The following ATP8A2 variants were observed in gnomAD, a reference collection of about 807,000 sequenced individuals.
ATP8A2 encodes ATPase phospholipid transporting 8A2.
ATP8A2 carries 100 observed loss-of-function variants against 165.6 expected under a neutral mutation model. The ratio of observed to expected loss-of-function variants is 0.60; its 90% confidence interval spans 0.51 to 0.71. ATP8A2 has a LOEUF of 0.71. Among genes scored for constraint, ATP8A2 ranks in the 30% least tolerant of loss-of-function variants. The pLI is 0.00. For synonymous variants in ATP8A2, 543 were observed against 548.8 expected, an observed-to-expected ratio of 0.99 and a Z score of 0.15; for missense variants, 1,227 against 1,479.5, an observed-to-expected ratio of 0.83 and a Z score of 2.80.
In ATP8A2 at chr13:25,551,353, C is replaced by T; in HGVS notation, c.907C>T (p.Pro303Ser). Reference sequence around the variant, plus strand: ...TGTTGTGTAGAATTCAACCAAAGCGCCTCTCAAGAGATCAAATGTTGAGAA... The same window carrying T: ...TGTTGTGTAGAATTCAACCAAAGCGTCTCTCAAGAGATCAAATGTTGAGAA... The part of the protein sequence containing the change: ...TKLMQNSTKA[P>S]LKRSNVEKVT... The change falls in exon 11 of 37, where the codon CCT becomes TCT. Residue 303 changes from proline (P) to serine (S), a missense_variant. Physicochemically the swap from Pro to Ser is moderately conservative, Grantham distance 74. This residue lies in a region of ATP8A2 where 356 missense variants were observed against 394.9 expected (regional missense o/e 0.90). Transcript: ENST00000381655. 1 of 1,613,938 alleles carries T rather than the reference C, an allele frequency of 6.2e-7. No homozygotes were observed. The highest frequency in any genetic ancestry group is 8.5e-7 in the Non-Finnish European group (1 of 1,179,894).
chr13:25,380,966 G>C (rs116575785), intron 1 of ATP8A2, among the ~76,000 whole-genome samples: 12 of 151,950 alleles, frequency 7.9e-5, no homozygotes, highest in African/African-American at 2.9e-4. Flanking sequence ...TCTTGAGTCA[G>C]TATCTCCCTC....
Position 26,020,819 on chromosome 13 carries a change from TTC to T in ATP8A2, c.*836_*837del, listed in dbSNP as rs1957071514. The T allele has an allele frequency of 1.3e-5, 2 of 152,280 alleles. No individual in the cohort carries two copies. Among genetic ancestry groups the T allele is most frequent in the African/African-American group, 4.8e-5 (2 of 41,456 alleles). 9.4% of individuals were successfully genotyped at this position (152,280 alleles called of 1,614,324 possible). On this transcript the variant is annotated 3_prime_UTR_variant, in exon 37 of 37. Coordinates refer to ENST00000381655, the MANE Select transcript of ATP8A2 (RefSeq NM_016529.6). Reference sequence around the variant, plus strand: ...ATTCCTTCTTCCACCGCCCTTCTCGTTCTGTAAAGAAAGAAAAGAAACATAGC... The same window carrying T: ...ATTCCTTCTTCCACCGCCCTTCTCGTTGTAAAGAAAGAAAAGAAACATAGC...
intron 25 of ATP8A2, among the ~76,000 whole-genome samples, chr13:25,767,444 A>G (rs1243290493): frequency 1.3e-5 from 2 of 152,384 alleles, no homozygotes; most frequent in African/African-American, 2.4e-5. Flanking sequence ...AAGCATGCCT[A>G]TTAAATAATG....
chr13:25,622,524 G>A (rs2040996667), intron 24 of ATP8A2, among the ~76,000 whole-genome samples: 1 of 152,140 alleles, frequency 6.6e-6, no homozygotes, highest in South Asian at 2.1e-4. Flanking sequence ...GAAATAATCT[G>A]AAACAGAAAT....
rs142930080 is a variant in ATP8A2 at position 25,720,990 on chromosome 13, G to A, written c.2384+21645G>A. Among the ~76,000 whole-genome samples, 485 of 142,710 alleles carry A rather than the reference G, an allele frequency of 3.4e-3. 3 individuals carry two copies. The highest frequency in any genetic ancestry group is 0.011 in the African/African-American group (436 of 38,016). The allele number at this position is 142,710 out of a possible 152,430, so 93.6% of individuals were successfully genotyped here. ...TTTTTTTTTTTTTTTTCCTGACACA[G>A]AGTCTTACTCTGTCATCCAGGCTGG... On this transcript the variant is annotated intron_variant, in intron 25 of 36. Transcript: ENST00000381655.
Position 25,398,181 on chromosome 13 carries a change from T to A in ATP8A2, c.76+25893T>A, listed in dbSNP as rs547284451. ...GGCTTTGCAGGGCCATTCCAAAATA[T>A]GTCAAAAAAATATATTTTGGGGTAA... is the stretch of plus-strand genomic sequence containing the variant. On this transcript the variant is annotated intron_variant, in intron 1 of 36. Transcript: ENST00000381655. Among the ~76,000 whole-genome samples the A allele has an allele frequency of 2.0e-5, 3 of 152,272 alleles. No individual in the cohort carries two copies. The East Asian group carries it at 5.8e-4, about 29-fold the overall frequency.
intron 33 of ATP8A2, among the ~76,000 whole-genome samples, chr13:25,891,605 C>T (rs969658545): frequency 1.3e-5 from 2 of 152,050 alleles, no homozygotes; most frequent in Non-Finnish European, 2.9e-5. Context: ...ATTACAGGTG[C>T]GAGCCACTGT....
chr13:25,729,476 T>G (rs143301602), intron 25 of ATP8A2, among the ~76,000 whole-genome samples: 96 of 152,324 alleles, frequency 6.3e-4, no homozygotes, highest in Admixed American at 2.7e-3. Flanking sequence ...CCCATTTAAC[T>G]GCGCTTTAAA....
chr13:25,697,884 T>C (rs2042867616), intron 24 of ATP8A2, among the ~76,000 whole-genome samples: 2 of 152,192 alleles, frequency 1.3e-5, no homozygotes, highest in South Asian at 4.1e-4. Context: ...TTTATGAAAT[T>C]GTCAAAAGTC....
intron 16 of ATP8A2, among the ~76,000 whole-genome samples, chr13:25,566,121 G>A (rs2039306184): frequency 6.6e-6 from 1 of 151,948 alleles, no homozygotes; most frequent in African/African-American, 2.4e-5. Context: ...GTGCCCATTT[G>A]TTGCTAGCTC....
chr13:25,555,117 A>G, intron 13 of ATP8A2, 49 bp downstream of exon 13: 1 of 1,321,306 alleles, frequency 7.6e-7, no homozygotes, highest in Non-Finnish European at 1.1e-6. Context: ...AGCATGAGGG[A>G]AAATGAGTGT....
At chr13:25,617,286 C>G (rs901646179) in intron 24 of ATP8A2, among the ~76,000 whole-genome samples, 5 of 152,158 alleles carry the variant, frequency 3.3e-5, no homozygotes, top group Non-Finnish European at 7.4e-5. Flanking sequence ...ATTTATTTAT[C>G]ATTTTCTAAG....
intron 24 of ATP8A2, among the ~76,000 whole-genome samples, chr13:25,617,845 G>A (rs4439611): frequency 0.83 from 126,078 of 152,128 alleles, 53,234 homozygotes; most frequent in African/African-American, 0.91. Flanking sequence ...TCCTCTCATC[G>A]ATCTTAATAT....
chr13:25,721,180 G>T (rs1202012002), intron 25 of ATP8A2, among the ~76,000 whole-genome samples: 1 of 150,632 alleles, frequency 6.6e-6, no homozygotes. Context: ...TCTCAGGTTG[G>T]TCTCAAACTC....
At chr13:25,721,899 T>C (rs1384719417) in intron 25 of ATP8A2, among the ~76,000 whole-genome samples, 1 of 152,268 alleles carries the variant, frequency 6.6e-6, no homozygotes, top group African/African-American at 2.4e-5. Context: ...ATAATGCTGC[T>C]ATGAACACGC....
chr13:25,572,542 A>C (rs912769636), intron 18 of ATP8A2, among the ~76,000 whole-genome samples: 5 of 152,190 alleles, frequency 3.3e-5, no homozygotes, highest in Non-Finnish European at 7.3e-5. Context: ...CAAAGGGAGA[A>C]ATTTAGTGAT....
intron 24 of ATP8A2, among the ~76,000 whole-genome samples, chr13:25,653,788 GC>G (rs2041868091): frequency 6.6e-6 from 1 of 152,146 alleles, no homozygotes. Flanking sequence ...ATGTAGAGAA[GC>G]CAAATGAAAT....
intron 2 of ATP8A2, among the ~76,000 whole-genome samples, chr13:25,479,600 C>CA (rs1296367486): frequency 6.6e-6 from 1 of 151,806 alleles, no homozygotes; most frequent in East Asian, 1.9e-4. Flanking sequence ...AACAAGTGAA[C>CA]AAAGGTCTCT....
At chr13:25,485,472 A>G (rs2036322622) in intron 2 of ATP8A2, among the ~76,000 whole-genome samples, 3 of 152,266 alleles carry the variant, frequency 2.0e-5, no homozygotes, top group Admixed American at 2.0e-4. Context: ...GTGTACACAC[A>G]TAGGCACATG....
Sources: allele counts gnomAD v4.1 joint callset (sites outside exome capture counted in the v4.1 genomes callset), GRCh38; gene constraint gnomAD v4.1.1; regional missense constraint gnomAD v4.1.1; transcripts MANE v1.5; gene names NCBI Gene and HGNC (gene_info 2026-07-23, HGNC 2026-07-21).